NKAIN2: variants seen among roughly 807,000 people sequenced by gnomAD.
NKAIN2 encodes sodium/potassium transporting ATPase interacting 2, also known as sodium/potassium-transporting ATPase subunit beta-1-interacting protein 2.
In NKAIN2, 14 loss-of-function variants were observed where a neutral mutation model predicts 32.6. The observed-to-expected ratio is 0.43, with a 90% CI of 0.28 to 0.67. The LOEUF is 0.67. Ranked by LOEUF, NKAIN2 falls within the 30% of genes least tolerant of loss-of-function variation. The pLI is 0.17. For synonymous variants in NKAIN2, 80 were observed against 87.2 expected (o/e 0.92, Z 0.46); for missense variants, 198 against 258.3 (o/e 0.77, Z 1.60).
At chr6:124,008,725 T>C (rs1214926673) in intron 1 of NKAIN2, among the ~76,000 whole-genome samples, 1 of 152,194 alleles carries the variant, frequency 6.6e-6, no homozygotes, top group Non-Finnish European at 1.5e-5. Context: ...ACCCTCCTGT[T>C]TGTCATCGTG....
At chr6:123,808,893 A>G (rs1039466381) in intron 1 of NKAIN2, among the ~76,000 whole-genome samples, 5 of 152,068 alleles carry the variant, frequency 3.3e-5, no homozygotes, top group Non-Finnish European at 7.4e-5. Flanking sequence ...TTTGTTTTTT[A>G]TTTTTAATAT....
At chr6:124,490,341 G>A (rs1777812061) in intron 3 of NKAIN2, 1 of 432,602 alleles carries the variant, frequency 2.3e-6, no homozygotes, top group Non-Finnish European at 4.6e-6. Context: ...CTTTCTAGAT[G>A]GAATTACATG....
chr6:123,894,690 C>A (rs551531535), intron 1 of NKAIN2, among the ~76,000 whole-genome samples: 4 of 151,912 alleles, frequency 2.6e-5, no homozygotes, highest in Non-Finnish European at 5.9e-5. Context: ...AATCTTGGAT[C>A]ATTAGTCATT....
intron 1 of NKAIN2, among the ~76,000 whole-genome samples, chr6:124,236,100 T>C (rs1285816655): frequency 2.0e-5 from 3 of 152,122 alleles, no homozygotes; most frequent in African/African-American, 7.2e-5. Context: ...AAAGACTATA[T>C]TTTAATATGT....
At chr6:124,399,564 G>T (rs1175505186) in intron 3 of NKAIN2, among the ~76,000 whole-genome samples, 1 of 152,190 alleles carries the variant, frequency 6.6e-6, no homozygotes, top group Non-Finnish European at 1.5e-5. Flanking sequence ...TGTTCAGGGG[G>T]TAGCATAAGG....
chr6:124,807,765 GA>G (rs1335227051), intron 5 of NKAIN2, among the ~76,000 whole-genome samples: 1 of 151,400 alleles, frequency 6.6e-6, no homozygotes, highest in Non-Finnish European at 1.5e-5. Flanking sequence ...AAAGAGAGAA[GA>G]ATCAAATAGA....
At chr6:124,237,362 T>C (rs1191336647) in intron 1 of NKAIN2, among the ~76,000 whole-genome samples, 3 of 152,082 alleles carry the variant, frequency 2.0e-5, no homozygotes, top group African/African-American at 7.2e-5. Context: ...TTTTTTGTTG[T>C]TTTTGTTTTT....
chr6:124,267,450 C>T (rs376734607), intron 1 of NKAIN2, among the ~76,000 whole-genome samples: 5 of 132,680 alleles, frequency 3.8e-5, no homozygotes, highest in East Asian at 2.2e-4. Flanking sequence ...TCGAGACCAG[C>T]GTGGCCAATA....
intron 3 of NKAIN2, among the ~76,000 whole-genome samples, chr6:124,406,050 G>T (rs911215786): frequency 2.0e-5 from 3 of 146,830 alleles, no homozygotes; most frequent in Non-Finnish European, 4.5e-5. Flanking sequence ...CTGTACAAAT[G>T]AGTATGTTTT....
intron 3 of NKAIN2, among the ~76,000 whole-genome samples, chr6:124,627,352 G>T (rs1783394030): frequency 6.6e-6 from 1 of 152,122 alleles, no homozygotes; most frequent in Non-Finnish European, 1.5e-5. Context: ...ACTACAAGAG[G>T]TGATAAAACA....
At chr6:123,989,857 G>C (rs1457449236) in intron 1 of NKAIN2, among the ~76,000 whole-genome samples, 2 of 152,132 alleles carry the variant, frequency 1.3e-5, no homozygotes, top group African/African-American at 4.8e-5. Flanking sequence ...AAAGAAATAT[G>C]ACTTAAGTAA....
intron 4 of NKAIN2, among the ~76,000 whole-genome samples, chr6:124,757,942 CTT>C (rs1420629074): frequency 6.6e-6 from 1 of 152,104 alleles, no homozygotes; most frequent in Non-Finnish European, 1.5e-5. Flanking sequence ...AGGTATGTCA[CTT>C]TATGAGATTC....
At chr6:124,497,704 AT>A (rs1778114780) in intron 3 of NKAIN2, among the ~76,000 whole-genome samples, 1 of 151,796 alleles carries the variant, frequency 6.6e-6, no homozygotes, top group African/African-American at 2.4e-5. Flanking sequence ...TTCATTTCTC[AT>A]TGCTACAAAG....
At chr6:124,206,215 C>G (rs1374893247) in intron 1 of NKAIN2, among the ~76,000 whole-genome samples, 1 of 151,886 alleles carries the variant, frequency 6.6e-6, no homozygotes, top group Non-Finnish European at 1.5e-5. Context: ...AAAGAATTAA[C>G]CACGTGTTGT....
At chr6:124,550,342 T>C (rs1780242568) in intron 3 of NKAIN2, among the ~76,000 whole-genome samples, 1 of 152,186 alleles carries the variant, frequency 6.6e-6, no homozygotes, top group Non-Finnish European at 1.5e-5. Context: ...CCTTTTCATA[T>C]GCCTTCTTTT....
chr6:124,184,283 G>T (rs1429729224), intron 1 of NKAIN2, among the ~76,000 whole-genome samples: 1 of 151,370 alleles, frequency 6.6e-6, no homozygotes, highest in East Asian at 1.9e-4. Flanking sequence ...ATCTCTACCT[G>T]GGAACCTTGA....
At chr6:124,808,236 T>G (rs1174152642) in intron 5 of NKAIN2, among the ~76,000 whole-genome samples, 2 of 151,616 alleles carry the variant, frequency 1.3e-5, no homozygotes, top group Non-Finnish European at 2.9e-5. Flanking sequence ...AAATCCTCAA[T>G]AAAATACTGG....
At chr6:124,647,889 T>C (rs2114384459) in intron 3 of NKAIN2, among the ~76,000 whole-genome samples, 1 of 152,266 alleles carries the variant, frequency 6.6e-6, no homozygotes, top group South Asian at 2.1e-4. Context: ...AACTAGTGAC[T>C]AACATGCTCT....
intron 5 of NKAIN2, among the ~76,000 whole-genome samples, chr6:124,808,050 G>A (rs1350090274): frequency 6.6e-6 from 1 of 151,106 alleles, no homozygotes; most frequent in African/African-American, 2.4e-5. Flanking sequence ...AATTCTACCA[G>A]AGGTACAAGG....
Sources: gnomAD v4.1 joint callset for allele counts (sites outside exome capture counted in the v4.1 genomes callset) on GRCh38, gnomAD v4.1.1 for gene constraint, MANE v1.5 for transcripts, NCBI Gene and HGNC (gene_info 2026-07-23, HGNC 2026-07-21) for gene names.